Variants in TAFA2 observed in about 807,000 individuals in gnomAD.
TAFA2 encodes the protein chemokine-like protein TAFA-2.
TAFA2 carries 7 observed loss-of-function variants against 18.8 expected under a neutral mutation model. The ratio of observed to expected loss-of-function variants is 0.37; its 90% CI spans 0.21 to 0.70. The LOEUF (loss-of-function observed/expected upper bound fraction) is 0.70, where lower values mean the gene tolerates loss of function less well. Ranked by LOEUF, TAFA2 falls within the 30% of genes least tolerant of loss-of-function variation. The pLI, the probability that TAFA2 is intolerant of heterozygous loss-of-function variation, is 0.53. For synonymous variants in TAFA2, 60 were observed against 54.2 expected (o/e 1.11, Z -0.47); for missense variants, 122 against 158.1 (o/e 0.77, Z 1.23).
intron 1 of TAFA2, among the ~76,000 whole-genome samples, chr12:62,031,035 G>T (rs1173764572): frequency 2.0e-5 from 3 of 152,130 alleles, no homozygotes; most frequent in Non-Finnish European, 4.4e-5. Context: ...ATTAAAGAGA[G>T]AATGACCATG....
chr12:62,023,665 C>T (rs1180106959), intron 1 of TAFA2: 2 of 144,206 alleles, frequency 1.4e-5, no homozygotes, highest in Non-Finnish European at 3.0e-5. Context: ...TGAGCTTCAC[C>T]AGAAATCAAC....
chr12:62,031,898 A>C (rs1169134477), intron 1 of TAFA2, among the ~76,000 whole-genome samples: 3 of 152,222 alleles, frequency 2.0e-5, no homozygotes, highest in Non-Finnish European at 4.4e-5. Flanking sequence ...TGACTTTTCC[A>C]GACCAATTTA....
intron 1 of TAFA2, among the ~76,000 whole-genome samples, chr12:62,011,313 G>A (rs1477411505): frequency 6.6e-6 from 1 of 152,124 alleles, no homozygotes; most frequent in African/African-American, 2.4e-5. Flanking sequence ...GGAAAAGGGG[G>A]AAATGTGGGG....
At chr12:62,236,054 C>T (rs1455907870) in intron 1 of TAFA2, among the ~76,000 whole-genome samples, 2 of 151,758 alleles carry the variant, frequency 1.3e-5, no homozygotes, top group African/African-American at 2.4e-5. Context: ...CCCACTCATA[C>T]ATTCTGACTT....
At chr12:61,900,898 G>T (rs1383868638) in intron 1 of TAFA2, among the ~76,000 whole-genome samples, 1 of 152,074 alleles carries the variant, frequency 6.6e-6, no homozygotes, top group African/African-American at 2.4e-5. Flanking sequence ...ATTAATTTCT[G>T]AACAGTGAAT....
chr12:62,198,167 A>C (rs1467298926), intron 1 of TAFA2: 1 of 151,812 alleles, frequency 6.6e-6, no homozygotes, highest in Non-Finnish European at 1.5e-5. Context: ...AAAGCAGACG[A>C]TATAAACCCA....
chr12:61,851,738 G>A (rs1190540088), intron 2 of TAFA2, among the ~76,000 whole-genome samples: 1 of 109,778 alleles, frequency 9.1e-6, no homozygotes, highest in Non-Finnish European at 1.7e-5. Context: ...TTGTGCCACC[G>A]CACTCCAGCC....
intron 1 of TAFA2, among the ~76,000 whole-genome samples, chr12:61,967,530 C>T (rs957073820): frequency 6.6e-6 from 1 of 151,878 alleles, no homozygotes; most frequent in African/African-American, 2.4e-5. Context: ...AACACGTCCA[C>T]ACAACACGTG....
At chr12:61,755,528 G>T (rs1869223935) in intron 2 of TAFA2, among the ~76,000 whole-genome samples, 1 of 152,040 alleles carries the variant, frequency 6.6e-6, no homozygotes, top group African/African-American at 2.4e-5. Context: ...GTATTCTTCT[G>T]CTCAGTTTCC....
intron 1 of TAFA2, among the ~76,000 whole-genome samples, chr12:62,014,839 A>G (rs1356996025): frequency 7.2e-5 from 11 of 152,098 alleles, no homozygotes; most frequent in Admixed American, 5.9e-4. Context: ...CCACCCTGCA[A>G]TGCTGGGCCA....
At chr12:61,968,141 G>T (rs1879129919) in intron 1 of TAFA2, among the ~76,000 whole-genome samples, 1 of 151,732 alleles carries the variant, frequency 6.6e-6, no homozygotes, top group African/African-American at 2.4e-5. Flanking sequence ...GAGATATATA[G>T]ACAATGAAAT....
At chr12:62,003,701 A>G (rs1454819820) in intron 1 of TAFA2, among the ~76,000 whole-genome samples, 1 of 152,174 alleles carries the variant, frequency 6.6e-6, no homozygotes, top group East Asian at 1.9e-4. Context: ...CACCACTAGG[A>G]TTTAGACTCC....
At chr12:62,185,240 GT>G (rs2062578239) in intron 1 of TAFA2, among the ~76,000 whole-genome samples, 3 of 152,284 alleles carry the variant, frequency 2.0e-5, no homozygotes, top group African/African-American at 7.2e-5. Flanking sequence ...ATTAGGTTAA[GT>G]TTTTTCCTTA....
intron 4 of TAFA2, among the ~76,000 whole-genome samples, chr12:61,749,183 G>A (rs1229319211): frequency 1.3e-5 from 2 of 151,996 alleles, no homozygotes; most frequent in African/African-American, 4.8e-5. Context: ...TAAGGCATGA[G>A]AATCGCTTGA....
intron 4 of TAFA2, among the ~76,000 whole-genome samples, chr12:61,712,133 C>CTCTTTTCT (rs1869440094): frequency 6.6e-6 from 1 of 152,070 alleles, no homozygotes; most frequent in Non-Finnish European, 1.5e-5. Context: ...GGTTTAGCCT[C>CTCTTTTCT]TGCTGTTGCT....
chr12:62,108,036 G>A (rs949810050), intron 1 of TAFA2, among the ~76,000 whole-genome samples: 6 of 151,998 alleles, frequency 3.9e-5, no homozygotes, highest in Admixed American at 2.0e-4. Flanking sequence ...TGTGCAGAAC[G>A]TGCAGGTTTC....
chr12:61,842,330 G>A (rs1049371281), intron 2 of TAFA2, among the ~76,000 whole-genome samples: 14 of 151,780 alleles, frequency 9.2e-5, no homozygotes, highest in Non-Finnish European at 1.3e-4. Flanking sequence ...GCAACTAAGC[G>A]CCCTTGTTCT....
chr12:61,715,505 C>T (rs559097954), intron 4 of TAFA2, among the ~76,000 whole-genome samples: 29 of 151,972 alleles, frequency 1.9e-4, no homozygotes, highest in African/African-American at 6.3e-4. Flanking sequence ...CCCACCACCA[C>T]GCCCAGCTAA....
intron 4 of TAFA2, among the ~76,000 whole-genome samples, chr12:61,717,761 T>C (rs774699417): frequency 1.3e-5 from 2 of 152,154 alleles, no homozygotes; most frequent in African/African-American, 2.4e-5. Flanking sequence ...AGAAACAGAA[T>C]ACCAGATATG....
Sources: allele counts gnomAD v4.1 joint callset (sites outside exome capture counted in the v4.1 genomes callset), GRCh38; gene constraint gnomAD v4.1.1; transcripts MANE v1.5; gene names NCBI Gene and HGNC (gene_info 2026-07-23, HGNC 2026-07-21).